Variants in RAPGEF6 observed in about 807,000 individuals in gnomAD.
RAPGEF6 encodes PDZ domain containing guanine nucleotide exchange factor (GEF) 2.
In RAPGEF6, 56 loss-of-function variants were observed where a neutral mutation model predicts 171.4. The ratio of observed to expected loss-of-function variants is 0.33; its 90% confidence interval spans 0.26 to 0.41. The LOEUF is 0.41. Among genes scored for constraint, RAPGEF6 ranks in the 10% least tolerant of loss-of-function variants. The pLI is 1.00. For synonymous variants in RAPGEF6, 692 were observed against 650.1 expected, an observed-to-expected ratio of 1.06 and a Z score of -0.98; for missense variants, 1,674 against 1,921.4, an observed-to-expected ratio of 0.87 and a Z score of 2.41.
chr5:131,478,752 CCTATAA>C (rs1378669834), intron 16 of RAPGEF6, among the ~76,000 whole-genome samples: 8 of 152,182 alleles, frequency 5.3e-5, no homozygotes, highest in South Asian at 2.1e-4. Context: ...CCTTTTTGTT[CCTATAA>C]CTATAATCTG....
At chr5:131,512,974 C>G (rs529800098) in intron 7 of RAPGEF6, among the ~76,000 whole-genome samples, 1 of 152,102 alleles carries the variant, frequency 6.6e-6, no homozygotes, top group Non-Finnish European at 1.5e-5. Flanking sequence ...TTATAAGCTA[C>G]CCCCCAGTCT....
At chr5:131,429,468 G>A (rs1011570635) in intron 26 of RAPGEF6, among the ~76,000 whole-genome samples, 19 of 152,284 alleles carry the variant, frequency 1.2e-4, no homozygotes, top group African/African-American at 4.6e-4. Flanking sequence ...TGACACTGAT[G>A]ACAAGCTTCC....
chr5:131,439,444 A>C, intron 24 of RAPGEF6, 137 bp downstream of exon 24: 1 of 1,390,854 alleles, frequency 7.2e-7, no homozygotes, highest in Non-Finnish European at 9.4e-7. Context: ...GCAATACAAA[A>C]CATCAAAGTT....
At chr5:131,548,459 T>G (rs935413499) in intron 5 of RAPGEF6, among the ~76,000 whole-genome samples, 1 of 152,214 alleles carries the variant, frequency 6.6e-6, no homozygotes, top group East Asian at 1.9e-4. Flanking sequence ...TTACCAGAAA[T>G]GAAGGCTGTT....
chr5:131,576,359 C>T (rs184801890), intron 4 of RAPGEF6, among the ~76,000 whole-genome samples: 116 of 152,318 alleles, frequency 7.6e-4, no homozygotes, highest in South Asian at 6.4e-3. Context: ...TGCTTTAACC[C>T]GGGCTCTCAC....
chr5:131,529,091 TA>T, intron 6 of RAPGEF6, among the ~76,000 whole-genome samples: 1 of 150,476 alleles, frequency 6.6e-6, no homozygotes, highest in African/African-American at 2.5e-5. Flanking sequence ...AAGAACCACT[TA>T]AGTCAACCTC....
At chr5:131,591,933 C>T (rs1254602849) in intron 4 of RAPGEF6, among the ~76,000 whole-genome samples, 6 of 152,134 alleles carry the variant, frequency 3.9e-5, no homozygotes, top group African/African-American at 1.2e-4. Context: ...TCTCAGCTCA[C>T]GGCAACCTCC....
intron 1 of RAPGEF6, among the ~76,000 whole-genome samples, chr5:131,627,510 G>C (rs979131305): frequency 6.6e-6 from 1 of 152,112 alleles, no homozygotes; most frequent in South Asian, 2.1e-4. Context: ...CACTGAGAGG[G>C]AAATAAACAT....
At chr5:131,596,603 T>A (rs184293775) in intron 3 of RAPGEF6, among the ~76,000 whole-genome samples, 1 of 152,158 alleles carries the variant, frequency 6.6e-6, no homozygotes, top group African/African-American at 2.4e-5. Context: ...AACAGACCAA[T>A]AGAGCAGAAT....
intron 15 of RAPGEF6, among the ~76,000 whole-genome samples, chr5:131,482,440 T>C (rs1476002098): frequency 6.6e-6 from 1 of 152,166 alleles, no homozygotes; most frequent in African/African-American, 2.4e-5. Flanking sequence ...GTAGCTGGGA[T>C]GACAGGCATG....
intron 6 of RAPGEF6, among the ~76,000 whole-genome samples, chr5:131,529,651 C>A (rs1244610723): frequency 5.3e-5 from 8 of 152,066 alleles, no homozygotes; most frequent in Non-Finnish European, 8.8e-5. Context: ...TGGCTCATGC[C>A]TGTAATCCCA....
intron 6 of RAPGEF6, among the ~76,000 whole-genome samples, chr5:131,545,596 A>G (rs912800300): frequency 2.6e-5 from 4 of 152,218 alleles, no homozygotes; most frequent in African/African-American, 9.6e-5. Context: ...TAGCATCCTT[A>G]CCTAGACCAA....
intron 19 of RAPGEF6, among the ~76,000 whole-genome samples, chr5:131,459,905 T>A (rs533792211): frequency 1.3e-5 from 2 of 152,252 alleles, no homozygotes; most frequent in South Asian, 4.1e-4. Flanking sequence ...ATTTTTTCCA[T>A]GTACATGTCA....
intron 1 of RAPGEF6, among the ~76,000 whole-genome samples, chr5:131,620,722 C>T (rs1284797857): frequency 1.3e-5 from 2 of 152,092 alleles, no homozygotes; most frequent in Non-Finnish European, 2.9e-5. Context: ...TCCCAAGCAG[C>T]TGGGACTAAA....
chr5:131,445,862 A>G (rs574603975), intron 22 of RAPGEF6, among the ~76,000 whole-genome samples: 1 of 152,214 alleles, frequency 6.6e-6, no homozygotes, highest in South Asian at 2.1e-4. Context: ...AAGATGTACA[A>G]TTATTTTGTT....
chr5:131,539,846 G>A (rs1471998491), intron 6 of RAPGEF6, among the ~76,000 whole-genome samples: 1 of 152,150 alleles, frequency 6.6e-6, no homozygotes, highest in East Asian at 1.9e-4. Flanking sequence ...AGAAAGAACC[G>A]CCTGCTACAT....
intron 7 of RAPGEF6, among the ~76,000 whole-genome samples, chr5:131,519,561 C>T (rs1335647006): frequency 6.6e-6 from 1 of 152,092 alleles, no homozygotes; most frequent in Non-Finnish European, 1.5e-5. Context: ...GCCACCACGC[C>T]CAGCTAATTT....
At chr5:131,495,690 G>C (rs774301296) in intron 12 of RAPGEF6, 30 bp from the exon 13 acceptor site, 40 of 1,590,692 alleles carry the variant, frequency 2.5e-5, no homozygotes, top group Non-Finnish European at 3.3e-5. Flanking sequence ...GCAGCATATG[G>C]TTATAAGAGG....
chr5:131,476,911 A>G (rs1434079199), intron 16 of RAPGEF6, among the ~76,000 whole-genome samples: 1 of 152,220 alleles, frequency 6.6e-6, no homozygotes, highest in African/African-American at 2.4e-5. Context: ...TTATAAACTT[A>G]TAACATTTTC....
Sources: gnomAD v4.1 joint callset for allele counts (sites outside exome capture counted in the v4.1 genomes callset) on GRCh38, gnomAD v4.1.1 for gene constraint, MANE v1.5 for transcripts, NCBI Gene and HGNC (gene_info 2026-07-23, HGNC 2026-07-21) for gene names.